The following RBFOX1 variants were observed in gnomAD, a reference collection of about 807,000 sequenced individuals.
RBFOX1 encodes the protein RNA binding protein fox-1 homolog 1.
RBFOX1 carries 8 observed loss-of-function variants against 57.7 expected under a neutral mutation model. The ratio of observed to expected loss-of-function variants is 0.14; its 90% CI spans 0.08 to 0.25. The LOEUF (loss-of-function observed/expected upper bound fraction) is 0.25. Among genes scored for constraint, RBFOX1 ranks in the 10% least tolerant of loss-of-function variants. The pLI is 1.00. For synonymous variants in RBFOX1, 326 were observed against 222.4 expected (o/e 1.47, Z -4.15); for missense variants, 611 against 548.5 (o/e 1.11, Z -1.14).
intron 1 of RBFOX1, among the ~76,000 whole-genome samples, chr16:5,247,450 G>C (rs2062330764): frequency 6.6e-6 from 1 of 152,196 alleles, no homozygotes; most frequent in African/African-American, 2.4e-5. Context: ...ACTGGGGGCT[G>C]CTTGCCTTCT....
chr16:6,951,430 T>C (rs188704809), intron 3 of RBFOX1, among the ~76,000 whole-genome samples: 8 of 152,266 alleles, frequency 5.3e-5, no homozygotes, highest in African/African-American at 1.9e-4. Flanking sequence ...AAGAATCTCA[T>C]AATGGAGTCA....
chr16:5,452,112 CTCTCTT>C (rs1422734648), intron 1 of RBFOX1, among the ~76,000 whole-genome samples: 5 of 139,282 alleles, frequency 3.6e-5, no homozygotes, highest in African/African-American at 5.7e-5. Flanking sequence ...CTCTCTCTCT[CTCTCTT>C]TTTTTTTTTT....
chr16:5,417,790 T>G (rs1484101402), intron 1 of RBFOX1, among the ~76,000 whole-genome samples: 1 of 152,008 alleles, frequency 6.6e-6, no homozygotes, highest in African/African-American at 2.4e-5. Context: ...CTACTAAGAT[T>G]TGTGAAATGG....
At chr16:6,585,892 T>C (rs1340180089) in intron 2 of RBFOX1, among the ~76,000 whole-genome samples, 1 of 152,196 alleles carries the variant, frequency 6.6e-6, no homozygotes, top group Admixed American at 6.5e-5. Context: ...ATTGTAGAAG[T>C]ATCATGTAGT....
chr16:7,492,696 C>T (rs1414121904), intron 4 of RBFOX1, among the ~76,000 whole-genome samples: 1 of 152,204 alleles, frequency 6.6e-6, no homozygotes, highest in East Asian at 1.9e-4. Flanking sequence ...GTGCCATACC[C>T]TTGGTGGTAG....
At chr16:7,144,739 G>A (rs2074584967) in intron 4 of RBFOX1, among the ~76,000 whole-genome samples, 1 of 151,878 alleles carries the variant, frequency 6.6e-6, no homozygotes, top group South Asian at 2.1e-4. Flanking sequence ...ACCTACATAT[G>A]AGAAAATAAA....
intron 12 of RBFOX1, among the ~76,000 whole-genome samples, chr16:7,659,270 C>A (rs575621834): frequency 2.6e-5 from 4 of 152,154 alleles, no homozygotes; most frequent in Non-Finnish European, 4.4e-5. Flanking sequence ...ACAAATAGAT[C>A]CTTTGGAAAT....
intron 4 of RBFOX1, among the ~76,000 whole-genome samples, chr16:7,069,478 G>A (rs1310600952): frequency 2.0e-5 from 3 of 152,194 alleles, no homozygotes; most frequent in Non-Finnish European, 4.4e-5. Flanking sequence ...TTCGTTCACT[G>A]AGGATAATGG....
chr16:5,795,667 A>C (rs2054853367), intron 3 of RBFOX1, among the ~76,000 whole-genome samples: 2 of 152,044 alleles, frequency 1.3e-5, no homozygotes, highest in Admixed American at 1.3e-4. Context: ...TCCAAATCCT[A>C]ACTCAAATAT....
At chr16:7,113,853 C>T (rs1488122869) in intron 4 of RBFOX1, among the ~76,000 whole-genome samples, 2 of 152,160 alleles carry the variant, frequency 1.3e-5, no homozygotes, top group Non-Finnish European at 2.9e-5. Context: ...CAAGTTTTCA[C>T]AGTTACTCAC....
chr16:7,549,152 C>G (rs1029573481), intron 5 of RBFOX1, among the ~76,000 whole-genome samples: 1 of 152,234 alleles, frequency 6.6e-6, no homozygotes, highest in Non-Finnish European at 1.5e-5. Context: ...GAGAGAAGAG[C>G]TGGCATATGC....
chr16:5,634,796 C>T (rs1429840793), intron 3 of RBFOX1, among the ~76,000 whole-genome samples: 1 of 152,152 alleles, frequency 6.6e-6, no homozygotes, highest in Non-Finnish European at 1.5e-5. Flanking sequence ...GTCCAGATGG[C>T]ATAAATGGTG....
At chr16:5,644,309 A>G (rs115722071) in intron 3 of RBFOX1, among the ~76,000 whole-genome samples, 1,551 of 152,310 alleles carry the variant, frequency 0.01, 25 homozygotes, top group African/African-American at 0.036. Flanking sequence ...TAGGGACTTG[A>G]ATGGTGCCAG....
chr16:7,082,497 G>T (rs567652590), intron 4 of RBFOX1, among the ~76,000 whole-genome samples: 10 of 151,628 alleles, frequency 6.6e-5, no homozygotes, highest in African/African-American at 2.2e-4. Context: ...TGGGAGGATC[G>T]CTTGAGCCTG....
chr16:7,664,663 C>G, intron 12 of RBFOX1: 1 of 528,314 alleles, frequency 1.9e-6, no homozygotes, highest in South Asian at 2.7e-5. Flanking sequence ...CTTTCTGTAC[C>G]CACTCCTGAG....
intron 3 of RBFOX1, among the ~76,000 whole-genome samples, chr16:6,949,441 C>T (rs935906891): frequency 5.3e-5 from 8 of 152,232 alleles, no homozygotes; most frequent in African/African-American, 1.4e-4. Flanking sequence ...GGCTGGGTTG[C>T]GTAAGCAACA....
At chr16:5,747,495 C>T (rs144201448) in intron 3 of RBFOX1, among the ~76,000 whole-genome samples, 2 of 152,250 alleles carry the variant, frequency 1.3e-5, no homozygotes, top group East Asian at 3.9e-4. Flanking sequence ...TAGAATTCGG[C>T]TGTGAATCTG....
At chr16:7,656,093 C>T (rs1403777497) in intron 12 of RBFOX1, among the ~76,000 whole-genome samples, 2 of 152,154 alleles carry the variant, frequency 1.3e-5, no homozygotes, top group Non-Finnish European at 2.9e-5. Context: ...TACCTCCTTG[C>T]TGATAATAGT....
At chr16:5,995,976 A>G (rs556077825) in intron 4 of RBFOX1, among the ~76,000 whole-genome samples, 2 of 152,318 alleles carry the variant, frequency 1.3e-5, no homozygotes, top group African/African-American at 2.4e-5. Context: ...GTTGTGGTTC[A>G]TAGATGGCAT....
Sources: allele counts gnomAD v4.1 joint callset (sites outside exome capture counted in the v4.1 genomes callset), GRCh38; gene constraint gnomAD v4.1.1; transcripts MANE v1.5; gene names NCBI Gene and HGNC (gene_info 2026-07-23, HGNC 2026-07-21).